CRYBG3: variants seen among roughly 807,000 people sequenced by gnomAD.
The protein encoded by CRYBG3 is crystallin beta-gamma domain containing 3, also known as very large A-kinase anchor protein.
CRYBG3 carries 127 observed loss-of-function variants against 244.2 expected under a neutral mutation model. The ratio of observed to expected loss-of-function variants is 0.52; its 90% CI spans 0.45 to 0.60. The LOEUF (loss-of-function observed/expected upper bound fraction) is 0.60. CRYBG3 is among the 20% of genes least tolerant of loss of function. The probability of loss-of-function intolerance (pLI) is 0.00; values close to 1 mark genes in which losing one functional copy is unlikely to be tolerated. For synonymous variants in CRYBG3, 1,132 were observed against 1,195.8 expected (o/e 0.95, Z 1.10); for missense variants, 3,325 against 3,442.5 (o/e 0.97, Z 0.85).
At position 97,899,006 on chromosome 3, in the gene CRYBG3, A is replaced by G; in HGVS notation, c.7825A>G (p.Ile2609Val). Residue 2609 changes from isoleucine to valine, a missense_variant, in exon 13 of 22, where the codon ATT (isoleucine) becomes GTT (valine). Physicochemically the swap from Ile to Val is conservative, Grantham distance 29 (BLOSUM62 3). Transcript: ENST00000389622. Reference sequence around the variant, plus strand: ...TGGCTTTGGCAGTAAAACAAGATCCATTCATGTTAAAAGTGGAGTGTAAGT... The same window carrying G: ...TGGCTTTGGCAGTAAAACAAGATCCGTTCATGTTAAAAGTGGAGTGTAAGT... ...EIGFGSKTRS[I>V]HVKSGVWVAY... 6.2e-7 allele frequency: 1 copy of G among 1,611,948 alleles called. No individual in the cohort carries two copies. Among genetic ancestry groups the G allele is most frequent in the South Asian group, 1.1e-5 (1 of 90,294 alleles).
intron 17 of CRYBG3, among the ~76,000 whole-genome samples, chr3:97,921,189 T>C (rs978633062): frequency 1.1e-4 from 17 of 151,848 alleles, no homozygotes; most frequent in Non-Finnish European, 2.9e-5. Context: ...CTTTGAGATC[T>C]AATTTAAAGG....
chr3:97,840,350 C>T (rs2038794609), intron 1 of CRYBG3, among the ~76,000 whole-genome samples: 2 of 152,074 alleles, frequency 1.3e-5, no homozygotes, highest in East Asian at 1.9e-4. Flanking sequence ...ATGTTGTTTG[C>T]ATTAAAACTC....
intron 3 of CRYBG3, among the ~76,000 whole-genome samples, chr3:97,868,529 A>G (rs1403410359): frequency 6.6e-6 from 1 of 152,164 alleles, no homozygotes; most frequent in Non-Finnish European, 1.5e-5. Flanking sequence ...GTATGTTTTA[A>G]TTACAAGTAT....
At position 97,908,501 on chromosome 3, in the gene CRYBG3, T is replaced by A. The variant is rs556335643; in HGVS notation, c.8005-3666T>A. 3.9e-5 allele frequency among the ~76,000 whole-genome samples: 6 copies of A among 152,272 alleles called. No individual in the cohort carries two copies. The South Asian group carries it at 1.2e-3, about 32-fold the overall frequency. On this transcript the variant is annotated intron_variant, in intron 15 of 21. Transcript: ENST00000389622. ...GAATTGATCCCCTTACCATTATGTA[T>A]TGGCCTTCTTTGTCTTTTTTGATCT...
At chr3:97,941,669 A>G (rs1300077087) in intron 20 of CRYBG3, 1 of 156,692 alleles carries the variant, frequency 6.4e-6, no homozygotes, top group African/African-American at 2.4e-5. Context: ...GATTCTAAAT[A>G]TGTTGAAACC....
chr3:97,837,040 G>A (rs1361423000), intron 1 of CRYBG3: 1 of 152,048 alleles, frequency 6.6e-6, no homozygotes, highest in Non-Finnish European at 1.5e-5. Context: ...ATCCAAAAAC[G>A]TTCATTTTGA....
intron 3 of CRYBG3, 135 bp downstream of exon 3, chr3:97,864,782 G>T: frequency 1.6e-6 from 1 of 639,880 alleles, no homozygotes; most frequent in African/African-American, 1.8e-5. Context: ...GTAAGAAATT[G>T]TATGATTCTC....
intron 19 of CRYBG3, among the ~76,000 whole-genome samples, chr3:97,940,299 T>A (rs1350135854): frequency 6.6e-6 from 1 of 152,028 alleles, no homozygotes; most frequent in Non-Finnish European, 1.5e-5. Context: ...CATTTCAACA[T>A]AGGTCTGAGA....
At chr3:97,835,159 T>C (rs1212119547) in intron 1 of CRYBG3, among the ~76,000 whole-genome samples, 1 of 152,188 alleles carries the variant, frequency 6.6e-6, no homozygotes, top group Admixed American at 6.5e-5. Flanking sequence ...AAAATATAAT[T>C]ATTAGAACAA....
chr3:97,938,797 T>C (rs1420585252), intron 19 of CRYBG3, among the ~76,000 whole-genome samples: 2 of 151,836 alleles, frequency 1.3e-5, no homozygotes, highest in Admixed American at 1.3e-4. Flanking sequence ...TGAAAATTTT[T>C]TATTATTATT....
Position 97,886,668 on chromosome 3 carries a change from C to A in CRYBG3, c.7190C>A (p.Ser2397Tyr). 1 of 1,608,252 alleles carries A rather than the reference C, an allele frequency of 6.2e-7. No homozygotes were observed. Among genetic ancestry groups the A allele is most frequent in the African/African-American group, 1.3e-5 (1 of 74,560 alleles). The change falls in exon 8 of 22, where the codon TCT becomes TAT. Residue 2397 changes from serine (S) to tyrosine (Y), a missense_variant. By Grantham distance (144) the Ser-to-Tyr change is moderately radical. Transcript: ENST00000389622. Reference sequence around the variant, plus strand: ...CCAGAAATAGAGCTTTTCCCACAATCTGACCCAGCCTGTTGTCCTGTCTAC... The same window carrying A: ...CCAGAAATAGAGCTTTTCCCACAATATGACCCAGCCTGTTGTCCTGTCTAC... ...SIPEIELFPQ[S>Y]DPACCPVYIQ...
chr3:97,888,548 A>C (rs2039536148), intron 9 of CRYBG3, 93 bp downstream of exon 9: 157 of 796,690 alleles, frequency 2.0e-4, no homozygotes, highest in Non-Finnish European at 2.6e-4. Flanking sequence ...TCTCAATCTC[A>C]AGTGAATATG....
At chr3:97,849,057 TC>T (rs1376735077) in intron 2 of CRYBG3, among the ~76,000 whole-genome samples, 1 of 152,236 alleles carries the variant, frequency 6.6e-6, no homozygotes, top group African/African-American at 2.4e-5. Context: ...TCCTAGATCT[TC>T]CAGGTGGTGG....
At chr3:97,904,957 C>G (rs2039752251) in intron 15 of CRYBG3, among the ~76,000 whole-genome samples, 2 of 144,998 alleles carry the variant, frequency 1.4e-5, no homozygotes, top group African/African-American at 5.1e-5. Flanking sequence ...TCTCATTGTT[C>G]AGTTCCCACC....
rs1373318115 is a variant in CRYBG3 at position 97,943,987 on chromosome 3, C to T, written c.*673C>T. On this transcript the variant is annotated 3_prime_UTR_variant, in exon 22 of 22. Coordinates refer to ENST00000389622, the MANE Select transcript of CRYBG3 (RefSeq NM_153605.4). ...AAACTAAAAAAGTACAAATAAATAA[C>T]CTATGGCCAAACTTGCACTGTTACG... is the stretch of plus-strand genomic sequence containing the variant. The T allele has an allele frequency of 1.3e-5, 2 of 151,926 alleles. No individual in the cohort carries two copies. The highest frequency in any genetic ancestry group is 2.9e-5 in the Non-Finnish European group (2 of 67,940). The allele number at this position is 151,926 out of a possible 1,614,324, so 9.4% of individuals were successfully genotyped here.
intron 10 of CRYBG3, among the ~76,000 whole-genome samples, chr3:97,891,541 C>T (rs139312335): frequency 3.3e-5 from 5 of 152,226 alleles, no homozygotes; most frequent in South Asian, 2.1e-4. Flanking sequence ...TCATAAGCTT[C>T]GTCACTGTCA....
At chr3:97,887,501 C>A (rs2039523228) in intron 8 of CRYBG3, among the ~76,000 whole-genome samples, 1 of 152,172 alleles carries the variant, frequency 6.6e-6, no homozygotes, top group Non-Finnish European at 1.5e-5. Context: ...CCTGTAATCC[C>A]AACACTTTGG....
intron 1 of CRYBG3, among the ~76,000 whole-genome samples, chr3:97,838,328 AT>A (rs2038763707): frequency 1.3e-5 from 2 of 152,008 alleles, no homozygotes; most frequent in African/African-American, 4.8e-5. Context: ...TCCTGGTCAG[AT>A]TTTTTTCTTC....
rs554539444 is a variant in CRYBG3 at position 97,828,483 on chromosome 3, G to A, written c.149+6128G>A. On this transcript the variant is annotated intron_variant, in intron 1 of 21. Coordinates refer to ENST00000389622, the MANE Select transcript of CRYBG3 (RefSeq NM_153605.4). The stretch of plus-strand genomic sequence containing the variant: ...TGTATCTACCAAAAAGAATAGGAAA[G>A]CTTTTTATGTACTGTTAAGGAAATA... Among the ~76,000 whole-genome samples, 4 of 149,946 alleles carry A rather than the reference G, an allele frequency of 2.7e-5. No homozygotes were observed. In the South Asian group the frequency reaches 6.4e-4, roughly 24 times the overall value.
Sources: allele counts gnomAD v4.1 joint callset (sites outside exome capture counted in the v4.1 genomes callset), GRCh38; gene constraint gnomAD v4.1.1; transcripts MANE v1.5; gene names NCBI Gene and HGNC (gene_info 2026-07-23, HGNC 2026-07-21).